GRM8: variants seen among roughly 807,000 people sequenced by gnomAD.
GRM8 encodes metabotropic glutamate receptor 8.
A neutral mutation model predicts 87.2 loss-of-function variants in GRM8; 47 were observed. The ratio of observed to expected loss-of-function variants is 0.54; its 90% CI spans 0.43 to 0.69. GRM8 has a LOEUF of 0.69. Ranked by LOEUF, GRM8 falls within the 30% of genes least tolerant of loss-of-function variation. The probability of loss-of-function intolerance (pLI) is 0.00; values close to 1 mark genes in which losing one functional copy is unlikely to be tolerated. For synonymous variants in GRM8, 396 were observed against 404.5 expected (o/e 0.98, Z 0.25); for missense variants, 1,019 against 1,139.2 (o/e 0.89, Z 1.52).
At chr7:126,859,674 G>A (rs546363131) in intron 6 of GRM8, among the ~76,000 whole-genome samples, 8 of 152,248 alleles carry the variant, frequency 5.3e-5, no homozygotes, top group African/African-American at 1.2e-4. Context: ...ATGCATATAC[G>A]TAAAGATAAT....
chr7:126,816,299 T>C (rs998070329), intron 6 of GRM8, among the ~76,000 whole-genome samples: 2 of 152,142 alleles, frequency 1.3e-5, no homozygotes, highest in Non-Finnish European at 2.9e-5. Context: ...TTTACCACCC[T>C]CCTGCCTATC....
At chr7:126,845,904 A>G (rs574720808) in intron 6 of GRM8, among the ~76,000 whole-genome samples, 10 of 151,990 alleles carry the variant, frequency 6.6e-5, no homozygotes, top group African/African-American at 2.4e-4. Flanking sequence ...TGATGTAGAG[A>G]AGGAGATGGG....
At position 126,923,609 on chromosome 7, in the gene GRM8, A is replaced by C. The variant is rs140689278; in HGVS notation, c.728-18926T>G. ...CAAGGGCCACAAGAAAATGAAATTCAGTGGACAAAATGGCTTCAGAGAACA... is the reference window on the plus strand; with the variant it reads ...CAAGGGCCACAAGAAAATGAAATTCCGTGGACAAAATGGCTTCAGAGAACA... On this transcript the variant is annotated intron_variant, in intron 3 of 10. Coordinates refer to ENST00000339582, the MANE Select transcript of GRM8 (RefSeq NM_000845.3). 1.3e-3 allele frequency among the ~76,000 whole-genome samples: 200 copies of C among 152,308 alleles called. 1 individual carries two copies. Among genetic ancestry groups the C allele is most frequent in the African/African-American group, 4.7e-3 (197 of 41,580 alleles).
intron 6 of GRM8, among the ~76,000 whole-genome samples, chr7:126,835,204 T>C (rs1234326577): frequency 1.3e-5 from 2 of 152,168 alleles, no homozygotes; most frequent in Admixed American, 6.5e-5. Flanking sequence ...TAAATACAAA[T>C]ACATGAAACT....
intron 7 of GRM8, among the ~76,000 whole-genome samples, chr7:126,768,926 G>GCAAAAAAAAAAAAAAA (rs1554485593): frequency 0.045 from 3,183 of 70,530 alleles, 129 homozygotes; most frequent in African/African-American, 0.14. Context: ...AAGGAAAAAT[G>GCAAAAAAAAAAAAAAA]CAAAAAAAAA....
intron 7 of GRM8, 49 bp downstream of exon 7, chr7:126,769,816 A>G (rs1376301898): frequency 1.6e-6 from 2 of 1,249,870 alleles, no homozygotes; most frequent in African/African-American, 1.5e-5. Context: ...GAGGAAAAAC[A>G]CACCCTGTCG....
At chr7:126,981,929 C>T (rs1811574036) in intron 3 of GRM8, among the ~76,000 whole-genome samples, 1 of 152,032 alleles carries the variant, frequency 6.6e-6, no homozygotes, top group Admixed American at 6.6e-5. Context: ...TCTTATTAGT[C>T]GGGGTTCTCT....
chr7:127,114,598 G>A (rs1826588868), intron 2 of GRM8, among the ~76,000 whole-genome samples: 1 of 152,148 alleles, frequency 6.6e-6, no homozygotes, highest in Admixed American at 6.5e-5. Context: ...GGAGAGACAA[G>A]ATCAATCCAT....
intron 2 of GRM8, among the ~76,000 whole-genome samples, chr7:127,123,445 C>T (rs991251836): frequency 6.6e-6 from 1 of 152,034 alleles, no homozygotes; most frequent in Non-Finnish European, 1.5e-5. Context: ...TTTAAAAGAG[C>T]CTGGCACCTT....
At chr7:126,481,054 A>AT (rs1247468141) in intron 9 of GRM8, among the ~76,000 whole-genome samples, 3 of 152,156 alleles carry the variant, frequency 2.0e-5, no homozygotes, top group Non-Finnish European at 4.4e-5. Context: ...AAAGCTAAAA[A>AT]ATTTGAGTGC....
intron 2 of GRM8, among the ~76,000 whole-genome samples, chr7:127,151,188 C>T (rs1199078989): frequency 6.6e-6 from 1 of 151,996 alleles, no homozygotes; most frequent in Non-Finnish European, 1.5e-5. Flanking sequence ...GTCTCTCCAC[C>T]TGGCCTAGAG....
At chr7:127,118,794 T>C (rs1316089355) in intron 2 of GRM8, among the ~76,000 whole-genome samples, 1 of 152,188 alleles carries the variant, frequency 6.6e-6, no homozygotes, top group Non-Finnish European at 1.5e-5. Context: ...CTTCAGTAGC[T>C]TTTTTTCCCA....
intron 6 of GRM8, among the ~76,000 whole-genome samples, chr7:126,854,612 C>T (rs183306543): frequency 6.6e-6 from 1 of 152,248 alleles, no homozygotes; most frequent in Admixed American, 6.5e-5. Context: ...AGTGCTCTTC[C>T]ACGCATCTAC....
chr7:126,686,979 G>A (rs74356187), intron 7 of GRM8, among the ~76,000 whole-genome samples: 2,217 of 152,310 alleles, frequency 0.015, 13 homozygotes, highest in Middle Eastern at 0.027. Flanking sequence ...AGTAGCTTGC[G>A]TCTACCAGTT....
chr7:126,676,306 G>A (rs1806953406), intron 7 of GRM8, among the ~76,000 whole-genome samples: 1 of 152,150 alleles, frequency 6.6e-6, no homozygotes, highest in South Asian at 2.1e-4. Flanking sequence ...CCTGCCCAAA[G>A]CAGTCTGCAG....
chr7:126,919,214 T>C (rs1744762128), intron 3 of GRM8, among the ~76,000 whole-genome samples: 2 of 152,164 alleles, frequency 1.3e-5, no homozygotes, highest in East Asian at 3.9e-4. Flanking sequence ...CTGGGCAAGA[T>C]GTGTAACATT....
At chr7:126,732,945 G>C (rs73451109) in intron 7 of GRM8, among the ~76,000 whole-genome samples, 1,602 of 152,218 alleles carry the variant, frequency 0.011, 37 homozygotes, top group African/African-American at 0.036. Context: ...TCCCAGGACA[G>C]CTTGGAATGC....
chr7:127,112,130 C>G (rs1443985339), intron 2 of GRM8: 2 of 152,230 alleles, frequency 1.3e-5, no homozygotes, highest in Non-Finnish European at 2.9e-5. Context: ...TCACAGGATC[C>G]TTTGAACTGG....
intron 10 of GRM8, among the ~76,000 whole-genome samples, 158 bp from the exon 11 acceptor site, chr7:126,439,326 CACA>C (rs759478512): frequency 5.9e-5 from 9 of 152,072 alleles, no homozygotes; most frequent in Non-Finnish European, 1.0e-4. Flanking sequence ...TCATGCACAG[CACA>C]ACGACATTTG....
Sources: gnomAD v4.1 joint callset for allele counts (sites outside exome capture counted in the v4.1 genomes callset) on GRCh38, gnomAD v4.1.1 for gene constraint, MANE v1.5 for transcripts, NCBI Gene and HGNC (gene_info 2026-07-23, HGNC 2026-07-21) for gene names.